The following LMNTD1 variants were observed in gnomAD, a reference collection of about 807,000 sequenced individuals.
The protein encoded by LMNTD1 is lamin tail domain containing 1.
A neutral mutation model predicts 50.9 loss-of-function variants in LMNTD1; 35 were observed. The observed-to-expected ratio is 0.69, with a 90% CI of 0.53 to 0.91. The LOEUF (loss-of-function observed/expected upper bound fraction) is 0.91, where lower values mean the gene tolerates loss of function less well. LMNTD1 is among the 40% of genes least tolerant of loss of function. LMNTD1 has a pLI of 0.00. For synonymous variants in LMNTD1, 153 were observed against 161.9 expected (o/e 0.94, Z 0.42); for missense variants, 470 against 475.5 (o/e 0.99, Z 0.11).
chr12:25,519,795 C>T, intron 7 of LMNTD1, 63 bp downstream of exon 7: 1 of 1,086,780 alleles, frequency 9.2e-7, no homozygotes, highest in South Asian at 1.3e-5. Context: ...TAGTCGTTCC[C>T]ACATGCTTAG....
intron 4 of LMNTD1, among the ~76,000 whole-genome samples, chr12:25,532,903 T>C (rs766387150): frequency 6.6e-6 from 1 of 152,162 alleles, no homozygotes; most frequent in Admixed American, 6.5e-5. Flanking sequence ...AGACTTGCTT[T>C]TTCTGCCTGG....
At chr12:25,601,721 A>G (rs1945980999) in intron 1 of LMNTD1, among the ~76,000 whole-genome samples, 1 of 151,918 alleles carries the variant, frequency 6.6e-6, no homozygotes, top group Non-Finnish European at 1.5e-5. Flanking sequence ...TCAATACCTA[A>G]CCATCACCTT....
intron 1 of LMNTD1, among the ~76,000 whole-genome samples, chr12:25,641,713 A>G (rs1231479643): frequency 2.0e-5 from 3 of 152,180 alleles, no homozygotes; most frequent in Non-Finnish European, 4.4e-5. Context: ...CAAACTTTGT[A>G]GTAAATAATA....
In LMNTD1 at chr12:25,503,377, C is replaced by T. The variant is rs566077926; in HGVS notation, c.*22+361G>A. 2.0e-5 allele frequency among the ~76,000 whole-genome samples: 3 copies of T among 152,286 alleles called. No individual in the cohort carries two copies. The South Asian group carries it at 6.2e-4, about 32-fold the overall frequency. ...AGTGATTTCTGTGATGTAATTAATA[C>T]TCTCTTGCTCATAGGAATTAAAATG... On this transcript the variant is annotated intron_variant, in intron 9 of 9. Transcript: ENST00000458174.
intron 6 of LMNTD1, among the ~76,000 whole-genome samples, chr12:25,521,137 A>G (rs568911527): frequency 2.1e-5 from 2 of 95,434 alleles, no homozygotes; most frequent in Non-Finnish European, 2.8e-5. Context: ...AGGTTTGCAA[A>G]CTTTTTTTTT....
intron 1 of LMNTD1, among the ~76,000 whole-genome samples, chr12:25,598,768 C>T (rs1458984885): frequency 6.6e-6 from 1 of 151,916 alleles, no homozygotes; most frequent in Non-Finnish European, 1.5e-5. Flanking sequence ...GGACACGTTA[C>T]TGGACACATG....
intron 1 of LMNTD1, among the ~76,000 whole-genome samples, chr12:25,618,425 T>TTGATACTTGCAGTACCTTAG (rs1946393179): frequency 6.6e-6 from 1 of 152,214 alleles, no homozygotes; most frequent in East Asian, 1.9e-4. Context: ...ATAGAAGAAT[T>TTGATACTTGCAGTACCTTAG]TGATACTTGC....
intron 1 of LMNTD1, among the ~76,000 whole-genome samples, chr12:25,578,412 G>C (rs575669108): frequency 2.0e-5 from 3 of 152,232 alleles, no homozygotes; most frequent in East Asian, 1.9e-4. Context: ...CAACTCCATA[G>C]CTTTTTTTTC....
At chr12:25,537,908 G>A (rs375301772) in intron 4 of LMNTD1, among the ~76,000 whole-genome samples, 22 of 142,588 alleles carry the variant, frequency 1.5e-4, no homozygotes, top group South Asian at 2.3e-4. Context: ...ACCAAGGCTC[G>A]AGAACTACGT....
At chr12:25,513,875 TG>T (rs1940525435) in intron 8 of LMNTD1, among the ~76,000 whole-genome samples, 1 of 152,104 alleles carries the variant, frequency 6.6e-6, no homozygotes, top group Non-Finnish European at 1.5e-5. Flanking sequence ...AAGAATTTTA[TG>T]GAAAAAAATG....
intron 9 of LMNTD1, among the ~76,000 whole-genome samples, chr12:25,488,845 C>T (rs1938765767): frequency 6.6e-6 from 1 of 152,182 alleles, no homozygotes; most frequent in Non-Finnish European, 1.5e-5. Context: ...TTCCTTCTAA[C>T]AGACAGGATC....
chr12:25,565,446 C>A (rs960748652), intron 1 of LMNTD1, among the ~76,000 whole-genome samples: 14 of 152,078 alleles, frequency 9.2e-5, no homozygotes, highest in Non-Finnish European at 1.8e-4. Context: ...GTATAAACAA[C>A]CTAACAAGCA....
upstream of LMNTD1, among the ~76,000 whole-genome samples, chr12:25,554,623 A>G (rs927157034): frequency 1.3e-5 from 2 of 152,250 alleles, no homozygotes; most frequent in Non-Finnish European, 2.9e-5. Context: ...AGTAGTCATT[A>G]AAGATTCGGG....
chr12:25,601,404 A>G (rs1945970481), intron 1 of LMNTD1, among the ~76,000 whole-genome samples: 1 of 151,920 alleles, frequency 6.6e-6, no homozygotes, highest in Admixed American at 6.6e-5. Context: ...TGAAGGCACA[A>G]TGGGGTGACT....
At chr12:25,612,810 A>C (rs1337904580) in intron 1 of LMNTD1, among the ~76,000 whole-genome samples, 1 of 152,174 alleles carries the variant, frequency 6.6e-6, no homozygotes, top group Non-Finnish European at 1.5e-5. Flanking sequence ...TAATTTCTGG[A>C]ACCTGTGAAA....
intron 9 of LMNTD1, among the ~76,000 whole-genome samples, chr12:25,487,500 C>T (rs1392194366): frequency 2.1e-5 from 3 of 142,486 alleles, no homozygotes; most frequent in African/African-American, 5.2e-5. Context: ...GATCTTCCTC[C>T]ATCCTTTTAT....
chr12:25,562,180 T>C (rs1227675542), intron 1 of LMNTD1, among the ~76,000 whole-genome samples: 1 of 152,256 alleles, frequency 6.6e-6, no homozygotes, highest in African/African-American at 2.4e-5. Context: ...CCTGTCATTA[T>C]GATGTTAGCT....
chr12:25,573,823 A>G (rs1029328180), intron 1 of LMNTD1, among the ~76,000 whole-genome samples: 7 of 152,062 alleles, frequency 4.6e-5, no homozygotes, highest in Non-Finnish European at 1.0e-4. Flanking sequence ...CTACCACATG[A>G]GTCTCCCTGT....
intron 9 of LMNTD1, among the ~76,000 whole-genome samples, chr12:25,482,007 T>A (rs1938463825): frequency 6.6e-6 from 1 of 151,774 alleles, no homozygotes; most frequent in African/African-American, 2.4e-5. Flanking sequence ...TCAGCAGTAT[T>A]TTCCTTCCCT....
Sources: allele counts gnomAD v4.1 joint callset (sites outside exome capture counted in the v4.1 genomes callset), GRCh38; gene constraint gnomAD v4.1.1; transcripts MANE v1.5; gene names NCBI Gene and HGNC (gene_info 2026-07-23, HGNC 2026-07-21).